Variants in ZPBP observed in about 807,000 individuals in gnomAD.
ZPBP encodes the protein zona pellucida-binding protein 1.
Under a neutral mutation model 44.8 loss-of-function variants are expected in ZPBP, and 26 were observed. The observed-to-expected ratio is 0.58, with a 90% CI of 0.43 to 0.81. The LOEUF is 0.81. ZPBP is among the 30% of genes least tolerant of loss of function. The pLI, the probability that ZPBP is intolerant of heterozygous loss-of-function variation, is 0.00. For missense variants in ZPBP, 409 were observed against 434.0 expected (o/e 0.94, Z 0.51); for synonymous variants, 174 against 153.2 (o/e 1.14, Z -1.00).
At chr7:49,979,548 G>C (rs1349967090) in intron 7 of ZPBP, among the ~76,000 whole-genome samples, 1 of 151,504 alleles carries the variant, frequency 6.6e-6, no homozygotes, top group Non-Finnish European at 1.5e-5. Context: ...CATTACAATT[G>C]TGTTGTTACC....
chr7:49,884,533 T>C lies in ZPBP; in HGVS notation n.509+16585A>G, dbSNP rs76376096. 6.1e-4 allele frequency among the ~76,000 whole-genome samples: 93 copies of C among 152,298 alleles called. No individual in the cohort carries two copies. The East Asian group carries it at 0.017, about 28-fold the overall frequency. ...TCATTCTCTGGATCCTGGGATCCAC[T>C]GAAGTTCAGGAAGGAACTCAGTTCT... On this transcript the variant is annotated intron_variant and non_coding_transcript_variant, in intron 2 of 2. Transcript: ENST00000465922.
intron 2 of ZPBP, among the ~76,000 whole-genome samples, chr7:49,861,873 A>C (rs900509036): frequency 1.3e-5 from 2 of 152,230 alleles, no homozygotes; most frequent in East Asian, 3.8e-4. Context: ...TTATGCCAGT[A>C]CCACACTGTT....
intron 2 of ZPBP, among the ~76,000 whole-genome samples, chr7:49,893,130 C>T (rs1198706512): frequency 6.6e-6 from 1 of 152,142 alleles, no homozygotes; most frequent in African/African-American, 2.4e-5. Context: ...CATGAGAATA[C>T]TTTAGCCTTT....
chr7:50,024,062 T>C (rs1799212893), intron 5 of ZPBP, among the ~76,000 whole-genome samples: 1 of 151,964 alleles, frequency 6.6e-6, no homozygotes, highest in African/African-American at 2.4e-5. Flanking sequence ...GAAAAAGTGC[T>C]TAACATCACC....
At chr7:49,912,021 T>G (rs764286781) in intron 1 of ZPBP, 2 of 1,610,076 alleles carry the variant, frequency 1.2e-6, no homozygotes, top group Non-Finnish European at 1.7e-6. Context: ...TAAAACATTT[T>G]TCTGCATTTC....
chr7:50,031,864 C>T (rs1799623409), intron 4 of ZPBP, among the ~76,000 whole-genome samples: 1 of 151,870 alleles, frequency 6.6e-6, no homozygotes, highest in Non-Finnish European at 1.5e-5. Context: ...ATATTTTGCC[C>T]ATCCCAAATT....
At chr7:50,038,828 C>A (rs757915066) in intron 4 of ZPBP, among the ~76,000 whole-genome samples, 11 of 152,150 alleles carry the variant, frequency 7.2e-5, no homozygotes, top group Admixed American at 1.3e-4. Flanking sequence ...GTATTCAATA[C>A]AGTATCATGC....
intron 7 of ZPBP, among the ~76,000 whole-genome samples, chr7:49,981,343 TTATATA>T: frequency 1.3e-4 from 1 of 7,668 alleles, no homozygotes; most frequent in African/African-American, 5.2e-4. Context: ...ATTATATATA[TTATATA>T]ATATATATTA....
At chr7:49,968,281 GA>G (rs1562807487) in intron 7 of ZPBP, among the ~76,000 whole-genome samples, 27 of 151,872 alleles carry the variant, frequency 1.8e-4, no homozygotes, top group Non-Finnish European at 3.4e-4. Context: ...TAAATAAAAG[GA>G]CAGATATATT....
chr7:49,971,183 G>A (rs117850215), intron 7 of ZPBP, among the ~76,000 whole-genome samples: 309 of 152,210 alleles, frequency 2.0e-3, no homozygotes, highest in Admixed American at 5.8e-3. Flanking sequence ...ACACATATAT[G>A]AAACATGAGA....
At chr7:49,924,787 A>T (rs1468512114) in intron 1 of ZPBP, among the ~76,000 whole-genome samples, 1 of 151,996 alleles carries the variant, frequency 6.6e-6, no homozygotes, top group African/African-American at 2.4e-5. Context: ...CCATTAAAAA[A>T]CTCTGAAAGT....
At chr7:49,917,310 T>A (rs1383850073) in intron 1 of ZPBP, 2 of 152,188 alleles carry the variant, frequency 1.3e-5, no homozygotes, top group Non-Finnish European at 2.9e-5. Context: ...AACACAAAGA[T>A]TTGGCTAATT....
rs139890673 is a variant in ZPBP at position 49,968,769 on chromosome 7, T to C, written c.961+14573A>G. On this transcript the variant is annotated intron_variant, in intron 7 of 7. Coordinates refer to ENST00000046087, the MANE Select transcript of ZPBP (RefSeq NM_007009.3). ...TAATATCACAGCTATTAGTAATTAATAGTAATTATTAATAATTACTGTTAA... is the reference window on the plus strand; with the variant it reads ...TAATATCACAGCTATTAGTAATTAACAGTAATTATTAATAATTACTGTTAA... 2.3e-3 allele frequency among the ~76,000 whole-genome samples: 348 copies of C among 152,170 alleles called. 3 individuals are homozygous for C. The highest frequency in any genetic ancestry group is 8.0e-3 in the African/African-American group (333 of 41,562).
chr7:50,023,062 T>C (rs1402341936), intron 5 of ZPBP, among the ~76,000 whole-genome samples: 5 of 151,970 alleles, frequency 3.3e-5, no homozygotes, highest in Admixed American at 1.3e-4. Context: ...CAAACCAAAG[T>C]ACAACAGGAG....
chr7:49,933,002 C>T (rs566030206), downstream of ZPBP, among the ~76,000 whole-genome samples: 1 of 152,268 alleles, frequency 6.6e-6, no homozygotes, highest in African/African-American at 2.4e-5. Context: ...TGAGTCAAAC[C>T]TCTCCTTTAT....
At chr7:49,922,003 A>T (rs1794039974) in intron 1 of ZPBP, 1 of 152,212 alleles carries the variant, frequency 6.6e-6, no homozygotes, top group African/African-American at 2.4e-5. Context: ...GAAATATTTT[A>T]GCTTTTGAAA....
At chr7:49,927,335 C>G (rs1003785922) in intron 1 of ZPBP, among the ~76,000 whole-genome samples, 1 of 152,186 alleles carries the variant, frequency 6.6e-6, no homozygotes, top group Non-Finnish European at 1.5e-5. Flanking sequence ...GGAAGTATGA[C>G]TTCCAAATTA....
At chr7:50,049,592 T>C (rs1319697680) in intron 4 of ZPBP, among the ~76,000 whole-genome samples, 4 of 151,954 alleles carry the variant, frequency 2.6e-5, no homozygotes, top group Non-Finnish European at 5.9e-5. Flanking sequence ...GAAAAAACAT[T>C]TGACAAAATC....
At chr7:49,843,392 A>G in the ZPBP span, among the ~76,000 whole-genome samples, 17 of 152,266 alleles carry the variant, frequency 1.1e-4, 1 homozygote, top group Middle Eastern at 6.8e-3. Context: ...AGGCCCATGG[A>G]CGTATTAAGC....
Sources: gnomAD v4.1 joint callset for allele counts (sites outside exome capture counted in the v4.1 genomes callset) on GRCh38, gnomAD v4.1.1 for gene constraint, MANE v1.5 for transcripts, NCBI Gene and HGNC (gene_info 2026-07-23, HGNC 2026-07-21) for gene names.